The following HHLA2 variants were observed in gnomAD, a reference collection of about 807,000 sequenced individuals.
The protein encoded by HHLA2 is HERV-H LTR-associating protein 2.
Under a neutral mutation model 45.9 loss-of-function variants are expected in HHLA2, and 48 were observed. The observed-to-expected ratio is 1.05, with a 90% CI of 0.83 to 1.33. The LOEUF (loss-of-function observed/expected upper bound fraction) is 1.33. HHLA2 is among the 40% of genes most tolerant of loss of function. The probability of loss-of-function intolerance (pLI) is 0.00; values close to 1 mark genes in which losing one functional copy is unlikely to be tolerated. For missense variants in HHLA2, 462 were observed against 494.3 expected, an observed-to-expected ratio of 0.93 and a Z score of 0.62; for synonymous variants, 161 against 173.9, an observed-to-expected ratio of 0.93 and a Z score of 0.59.
chr3:108,336,843 C>G (rs1450884496), intron 3 of HHLA2, among the ~76,000 whole-genome samples: 1 of 151,444 alleles, frequency 6.6e-6, no homozygotes, highest in Non-Finnish European at 1.5e-5. Context: ...AAGGAGATTA[C>G]ATTATGGGTA....
intron 1 of HHLA2, among the ~76,000 whole-genome samples, chr3:108,304,729 T>G (rs972473035): frequency 6.6e-6 from 1 of 152,192 alleles, no homozygotes; most frequent in African/African-American, 2.4e-5. Flanking sequence ...TGGTCTGTTC[T>G]GCAGATCGCT....
At chr3:108,370,262 C>T (rs1014385141) in intron 8 of HHLA2, among the ~76,000 whole-genome samples, 2 of 152,170 alleles carry the variant, frequency 1.3e-5, no homozygotes, top group Non-Finnish European at 2.9e-5. Flanking sequence ...AGCTGAGGGT[C>T]CTGACTGTTT....
At chr3:108,312,317 T>C (rs1041006868) in intron 2 of HHLA2, among the ~76,000 whole-genome samples, 8 of 152,248 alleles carry the variant, frequency 5.3e-5, no homozygotes, top group Non-Finnish European at 7.3e-5. Context: ...AGATAATAAA[T>C]TTCTTCTTTA....
intron 2 of HHLA2, chr3:108,325,553 G>A (rs1475943999): frequency 3.9e-6 from 1 of 257,196 alleles, no homozygotes; most frequent in Non-Finnish European, 7.6e-6. Context: ...AGCCATCTTG[G>A]TTTTGTAGTT....
intron 8 of HHLA2, among the ~76,000 whole-genome samples, chr3:108,373,238 T>G (rs532361788): frequency 1.3e-5 from 2 of 152,300 alleles, no homozygotes; most frequent in Non-Finnish European, 2.9e-5. Flanking sequence ...GACATGATTA[T>G]CTCAATAGAT....
intron 2 of HHLA2, among the ~76,000 whole-genome samples, chr3:108,315,379 C>G (rs1378736628): frequency 6.6e-6 from 1 of 152,104 alleles, no homozygotes; most frequent in Non-Finnish European, 1.5e-5. Flanking sequence ...GTCCAGGATC[C>G]ATGTCAGTAT....
At chr3:108,328,240 AATCACCTTAATCTAATTTT>A (rs2081323041) in intron 2 of HHLA2, 1 of 1,113,648 alleles carries the variant, frequency 9.0e-7, no homozygotes. Context: ...GATACTCTGG[AATCACCTTAATCTAATTTT>A]ATCCACACAG....
intron 7 of HHLA2, among the ~76,000 whole-genome samples, chr3:108,359,898 T>G (rs1191426563): frequency 2.0e-5 from 3 of 152,182 alleles, no homozygotes; most frequent in African/African-American, 7.2e-5. Context: ...AGGATTAATC[T>G]GTCCTTCCAT....
At position 108,362,327 on chromosome 3, in the gene HHLA2, C is replaced by G; in HGVS notation, c.1004-15C>G. On this transcript the variant is annotated splice_polypyrimidine_tract_variant and intron_variant, in intron 7 of 10. Coordinates refer to ENST00000619531, the Ensembl canonical transcript of HHLA2. ...CTTCCAGTTCACAGACTTTGTTTCT[C>G]CTTTTTTTTTTTAGAACCGAGCCAA... The G allele has an allele frequency of 6.4e-7, 1 of 1,568,702 alleles. No homozygotes were observed. Among genetic ancestry groups the G allele is most frequent in the South Asian group, 1.1e-5 (1 of 87,984 alleles).
intron 7 of HHLA2, among the ~76,000 whole-genome samples, 197 bp downstream of exon 6, chr3:108,358,358 A>G (rs1282550227): frequency 6.6e-6 from 1 of 152,140 alleles, no homozygotes; most frequent in Non-Finnish European, 1.5e-5. Flanking sequence ...TGAAAAAAAA[A>G]ATTACTCCCA....
At chr3:108,378,090 G>T (rs1284352389) in exon 11 of HHLA2, 1 of 152,004 alleles carries the variant, frequency 6.6e-6, no homozygotes, top group Non-Finnish European at 1.5e-5. Context: ...CCTTAAGAAG[G>T]TTCTTTGTAA....
At chr3:108,332,297 T>C (rs1169410885) in intron 3 of HHLA2, among the ~76,000 whole-genome samples, 1 of 152,240 alleles carries the variant, frequency 6.6e-6, no homozygotes, top group South Asian at 2.1e-4. Flanking sequence ...GTGTATTTTA[T>C]GTAATTCCTT....
At chr3:108,344,756 C>T (rs936262) in intron 3 of HHLA2, among the ~76,000 whole-genome samples, 102,892 of 152,082 alleles carry the variant, frequency 0.68, 35,693 homozygotes, top group African/African-American at 0.77. Context: ...TGCTGTCTGC[C>T]GTGTTAACCC....
chr3:108,309,847 G>C (rs1361994488), intron 1 of HHLA2, among the ~76,000 whole-genome samples: 1 of 152,138 alleles, frequency 6.6e-6, no homozygotes, highest in Non-Finnish European at 1.5e-5. Context: ...CACTCAAGGG[G>C]AGGGAAATTA....
At chr3:108,311,501 T>C (rs1003968833) in intron 2 of HHLA2, among the ~76,000 whole-genome samples, 2 of 152,168 alleles carry the variant, frequency 1.3e-5, no homozygotes, top group African/African-American at 4.8e-5. Context: ...GCCAAAATTA[T>C]GAATGAAATG....
At chr3:108,308,660 C>A (rs915828893) in intron 1 of HHLA2, among the ~76,000 whole-genome samples, 4 of 152,198 alleles carry the variant, frequency 2.6e-5, no homozygotes, top group African/African-American at 9.6e-5. Context: ...TTCTCCACAT[C>A]CTTGCCAGCA....
rs2082180031 is a variant in HHLA2, at chr3:108,371,839, A to G, written c.1109-3911A>G. Among the ~76,000 whole-genome samples, 2 of 152,184 alleles carry G rather than the reference A, an allele frequency of 1.3e-5. 1 individual carries two copies. The highest frequency in any genetic ancestry group is 4.1e-4 in the South Asian group (2 of 4,832). On this transcript the variant is annotated intron_variant, in intron 8 of 10. Coordinates refer to ENST00000619531, the Ensembl canonical transcript of HHLA2. ...AGATTCATAAAGCAAGTCCTTAGTG[A>G]CCTACAAAGAGACTTAGACTCCCAC...
At chr3:108,340,454 A>G (rs2081544738) in intron 3 of HHLA2, among the ~76,000 whole-genome samples, 2 of 152,200 alleles carry the variant, frequency 1.3e-5, no homozygotes, top group Non-Finnish European at 2.9e-5. Context: ...AGTCTTTACT[A>G]AACTCAGAAA....
chr3:108,362,824 C>G (rs115406406), intron 8 of HHLA2, among the ~76,000 whole-genome samples: 1 of 152,082 alleles, frequency 6.6e-6, no homozygotes, highest in African/African-American at 2.4e-5. Flanking sequence ...ACTTAATCAT[C>G]CTGCATTGAA....
Sources: allele counts gnomAD v4.1 joint callset (sites outside exome capture counted in the v4.1 genomes callset), GRCh38; gene constraint gnomAD v4.1.1; transcripts MANE v1.5; gene names NCBI Gene and HGNC (gene_info 2026-07-23, HGNC 2026-07-21).